Variants in DCTN6 observed in about 807,000 individuals in gnomAD.
DCTN6 encodes dynactin 6.
DCTN6 carries 15 observed loss-of-function variants against 25.8 expected under a neutral mutation model. That is an observed-to-expected ratio of 0.58 (90% CI 0.39 to 0.89). The LOEUF is 0.89. Among genes scored for constraint, DCTN6 ranks in the 40% least tolerant of loss-of-function variants. The pLI, the probability that DCTN6 is intolerant of heterozygous loss-of-function variation, is 0.00. For synonymous variants in DCTN6, 64 were observed against 78.3 expected (o/e 0.82, Z 0.96); for missense variants, 198 against 237.6 (o/e 0.83, Z 1.09).
At chr8:30,156,653 C>G (rs980415885) in intron 1 of DCTN6, among the ~76,000 whole-genome samples, 1 of 151,944 alleles carries the variant, frequency 6.6e-6, no homozygotes, top group Non-Finnish European at 1.5e-5. Flanking sequence ...TCCCCACATG[C>G]GCCTGCGCAG....
intron 2 of DCTN6, among the ~76,000 whole-genome samples, chr8:30,173,796 C>T (rs1016973517): frequency 2.8e-4 from 41 of 145,314 alleles, no homozygotes; most frequent in Non-Finnish European, 4.5e-5. Flanking sequence ...TCCTAATCCC[C>T]CACCCCCTCT....
Position 30,169,480 on chromosome 8 carries a change from C to T in DCTN6, c.88+5305C>T, listed in dbSNP as rs535393147. ...AAAAATAATTCATCAGCCAGTAAGG[C>T]AGTTCCAACTCTAGACACATTTTTC... On this transcript the variant is annotated intron_variant, in intron 2 of 6. Transcript: ENST00000221114. 4.6e-5 allele frequency among the ~76,000 whole-genome samples: 7 copies of T among 152,284 alleles called. No individual in the cohort carries two copies. In the East Asian group the frequency reaches 1.4e-3, roughly 29 times the overall value.
At chr8:30,162,396 CTA>C (rs1803609471) in intron 1 of DCTN6, among the ~76,000 whole-genome samples, 1 of 152,172 alleles carries the variant, frequency 6.6e-6, no homozygotes, top group East Asian at 1.9e-4. Flanking sequence ...CAGCCCAAAA[CTA>C]TTGTATTTCT....
At chr8:30,174,320 C>G (rs1021196864) in intron 2 of DCTN6, among the ~76,000 whole-genome samples, 3 of 151,934 alleles carry the variant, frequency 2.0e-5, no homozygotes, top group Non-Finnish European at 4.4e-5. Context: ...TCTGTCCACC[C>G]ATATTTCTCC....
chr8:30,178,476 A>G (rs1158333681), intron 4 of DCTN6, among the ~76,000 whole-genome samples: 1 of 151,734 alleles, frequency 6.6e-6, no homozygotes, highest in Non-Finnish European at 1.5e-5. Context: ...AGATTAAAAA[A>G]AAAAAAAAAA....
chr8:30,166,322 T>TC (rs1803675104), intron 2 of DCTN6, among the ~76,000 whole-genome samples: 1 of 150,916 alleles, frequency 6.6e-6, no homozygotes, highest in Non-Finnish European at 1.5e-5. Flanking sequence ...TTTCTTTCTT[T>TC]TTTTTTTTTT....
At chr8:30,160,957 A>C (rs907710881) in intron 1 of DCTN6, among the ~76,000 whole-genome samples, 1 of 152,114 alleles carries the variant, frequency 6.6e-6, no homozygotes, top group Non-Finnish European at 1.5e-5. Flanking sequence ...TCTTGTTTCT[A>C]TTTCCTAGAC....
intron 2 of DCTN6, among the ~76,000 whole-genome samples, chr8:30,173,741 A>AAAAAAAC (rs1554488841): frequency 6.8e-6 from 1 of 146,110 alleles, no homozygotes. Context: ...TAAAAAAAAA[A>AAAAAAAC]AAAAAAAAAA....
intron 5 of DCTN6, 48 bp downstream of exon 5, chr8:30,179,503 C>T (rs768942114): frequency 6.5e-7 from 1 of 1,526,962 alleles, no homozygotes; most frequent in Non-Finnish European, 9.0e-7. Flanking sequence ...CCTCTTTTCT[C>T]TTTGTGGTGT....
At chr8:30,164,501 C>G (rs1803639522) in intron 2 of DCTN6, among the ~76,000 whole-genome samples, 1 of 152,176 alleles carries the variant, frequency 6.6e-6, no homozygotes, top group South Asian at 2.1e-4. Flanking sequence ...AAAGGTGCTG[C>G]CTTTGTGGAG....
chr8:30,160,896 C>T (rs1421949546), intron 1 of DCTN6, among the ~76,000 whole-genome samples: 2 of 152,174 alleles, frequency 1.3e-5, no homozygotes, highest in East Asian at 1.9e-4. Flanking sequence ...AAATACCTAC[C>T]TTCAACGTTG....
At chr8:30,179,600 A>G in intron 5 of DCTN6, 145 bp downstream of exon 5, 1 of 601,882 alleles carries the variant, frequency 1.7e-6, no homozygotes. Context: ...GTTTGCCACT[A>G]AGGAACCTAA....
intron 6 of DCTN6, 127 bp downstream of exon 6, chr8:30,180,757 C>A: frequency 8.6e-7 from 1 of 1,160,180 alleles, no homozygotes; most frequent in Non-Finnish European, 1.2e-6. Flanking sequence ...AGATGCCAGT[C>A]TCAGTGACTC....
Position 30,183,186 on chromosome 8 carries a change from A to C in DCTN6, c.*13A>C, listed in dbSNP as rs753137193. The C allele has an allele frequency of 1.9e-6, 3 of 1,606,508 alleles. No individual in the cohort carries two copies. In the South Asian group the frequency reaches 3.3e-5, roughly 18 times the overall value. On this transcript the variant is annotated 3_prime_UTR_variant, in exon 7 of 7. Coordinates refer to ENST00000221114, the MANE Select transcript of DCTN6 (RefSeq NM_006571.4). ...AGTAAAGAACTAAGAACAGTGTATA[A>C]CATGAAGATAACATTTTGTCTTTGA...
At chr8:30,168,685 C>T (rs556054537) in intron 2 of DCTN6, among the ~76,000 whole-genome samples, 7 of 152,204 alleles carry the variant, frequency 4.6e-5, no homozygotes, top group South Asian at 2.1e-4. Context: ...ACTTTAAACC[C>T]GATCTGTTTT....
chr8:30,161,653 G>A (rs751395224), intron 1 of DCTN6, among the ~76,000 whole-genome samples: 2 of 152,126 alleles, frequency 1.3e-5, no homozygotes, highest in Admixed American at 6.6e-5. Context: ...ACCTGGGAGG[G>A]GGGAAGAGGT....
chr8:30,177,110 T>C lies in DCTN6; in HGVS notation c.195-16T>C, dbSNP rs1385831998. The C allele has an allele frequency of 5.7e-6, 9 of 1,591,332 alleles. No homozygotes were observed. The South Asian group carries it at 9.2e-5, about 16-fold the overall frequency. On this transcript the variant is annotated splice_polypyrimidine_tract_variant and intron_variant, in intron 3 of 6. Transcript: ENST00000221114. ...TGTTATTGACTTTTTGGATGATTTGTTTCTTCTGTTTACAGTTACCCAGAT... is the reference window on the plus strand; with the variant it reads ...TGTTATTGACTTTTTGGATGATTTGCTTCTTCTGTTTACAGTTACCCAGAT...
In DCTN6 at chr8:30,177,124, A is replaced by C; in HGVS notation, c.195-2A>C. 1.9e-6 allele frequency: 3 copies of C among 1,608,532 alleles called. No homozygotes were observed. The highest frequency in any genetic ancestry group is 2.5e-6 in the Non-Finnish European group (3 of 1,176,862). ...TGGATGATTTGTTTCTTCTGTTTACAGTTACCCAGATAATATCACTCCTGA... is the reference window on the plus strand; with the variant it reads ...TGGATGATTTGTTTCTTCTGTTTACCGTTACCCAGATAATATCACTCCTGA... On this transcript the variant is annotated splice_acceptor_variant, in intron 3 of 6. Coordinates refer to ENST00000221114, the MANE Select transcript of DCTN6 (RefSeq NM_006571.4). LOFTEE classifies it high-confidence loss of function.
At chr8:30,177,235 C>T (rs754507355) in intron 4 of DCTN6, 21 bp downstream of exon 4, 6 of 1,586,272 alleles carry the variant, frequency 3.8e-6, no homozygotes, top group Non-Finnish European at 5.2e-6. Flanking sequence ...CAATAATCTA[C>T]CATAAATAAT....
Sources: gnomAD v4.1 joint callset for allele counts (sites outside exome capture counted in the v4.1 genomes callset) on GRCh38, gnomAD v4.1.1 for gene constraint, MANE v1.5 for transcripts, NCBI Gene and HGNC (gene_info 2026-07-23, HGNC 2026-07-21) for gene names.